Variants in BTBD9 observed in about 807,000 individuals in gnomAD.
The protein encoded by BTBD9 is BTB/POZ domain-containing protein 9.
In BTBD9, 49 loss-of-function variants were observed where a neutral mutation model predicts 64.3. The ratio of observed to expected loss-of-function variants is 0.76; its 90% CI spans 0.61 to 0.97. The LOEUF (loss-of-function observed/expected upper bound fraction) is 0.97. Ranked by LOEUF, BTBD9 falls within the 50% of genes least tolerant of loss-of-function variation. BTBD9 has a pLI of 0.00. For missense variants in BTBD9, 598 were observed against 762.1 expected, an observed-to-expected ratio of 0.78 and a Z score of 2.53; for synonymous variants, 260 against 274.7, an observed-to-expected ratio of 0.95 and a Z score of 0.53.
chr6:38,492,793 CTAAAT>C (rs1485333631), intron 6 of BTBD9, among the ~76,000 whole-genome samples: 1 of 152,014 alleles, frequency 6.6e-6, no homozygotes, highest in Admixed American at 6.6e-5. Flanking sequence ...GCATTTTGCT[CTAAAT>C]TAAATGTACA....
intron 7 of BTBD9, among the ~76,000 whole-genome samples, chr6:38,289,540 G>A (rs1761879519): frequency 1.3e-5 from 2 of 152,054 alleles, no homozygotes; most frequent in South Asian, 4.1e-4. Flanking sequence ...TCTGTTTAAA[G>A]AAACATGTTA....
Position 38,482,208 on chromosome 6 carries a change from AC to A in BTBD9, c.1154+95391del, listed in dbSNP as rs1006847369. ...TTGCCCGAAGCCCTCTACGCCCCCA[AC>A]CCCTGCTAATCTTCCACAAGCAAGC... On this transcript the variant is annotated intron_variant, in intron 6 of 10. Transcript: ENST00000481247. 5.3e-5 allele frequency: 8 copies of A among 151,966 alleles called. No homozygotes were observed. In the South Asian group the frequency reaches 6.2e-4, roughly 12 times the overall value. 9.4% of individuals were successfully genotyped at this position (151,966 alleles called of 1,614,324 possible). A position where few individuals can be genotyped will look rare whatever the true frequency, so the allele number is the denominator to read the frequency against.
chr6:38,504,704 G>C (rs1772385049), intron 6 of BTBD9: 1 of 407,748 alleles, frequency 2.5e-6, no homozygotes, highest in African/African-American at 2.1e-5. Context: ...GTACCAGTGT[G>C]TAAGGATGAA....
intron 10 of BTBD9, among the ~76,000 whole-genome samples, chr6:38,191,632 G>A (rs1165585683): frequency 2.0e-5 from 3 of 152,206 alleles, no homozygotes; most frequent in Non-Finnish European, 4.4e-5. Context: ...CCATCCCTGT[G>A]CCAGGGCCCC....
At chr6:38,263,139 T>A (rs1313092227) in intron 8 of BTBD9, among the ~76,000 whole-genome samples, 1 of 152,240 alleles carries the variant, frequency 6.6e-6, no homozygotes, top group Non-Finnish European at 1.5e-5. Flanking sequence ...AAGATACTCC[T>A]GATCTCAAAA....
chr6:38,360,703 C>T (rs1764917579), intron 6 of BTBD9, among the ~76,000 whole-genome samples: 1 of 151,904 alleles, frequency 6.6e-6, no homozygotes, highest in Non-Finnish European at 1.5e-5. Flanking sequence ...GGAATATGAC[C>T]CTAGGACCCT....
At chr6:38,627,851 C>T (rs2127529701) in intron 1 of BTBD9, among the ~76,000 whole-genome samples, 1 of 152,162 alleles carries the variant, frequency 6.6e-6, no homozygotes, top group Admixed American at 6.5e-5. Flanking sequence ...TGAGTATTAG[C>T]AGGCTTGACA....
intron 6 of BTBD9, among the ~76,000 whole-genome samples, chr6:38,370,156 T>C (rs1428905084): frequency 6.6e-6 from 1 of 152,240 alleles, no homozygotes; most frequent in African/African-American, 2.4e-5. Context: ...GGGACTTCAT[T>C]ATGTCAGCAT....
chr6:38,578,195 T>C (rs543736284), intron 5 of BTBD9, among the ~76,000 whole-genome samples: 2 of 152,252 alleles, frequency 1.3e-5, no homozygotes, highest in South Asian at 4.2e-4. Flanking sequence ...AAAGTCAACT[T>C]GGAATGGCTC....
At chr6:38,342,356 C>T (rs1415992040) in intron 7 of BTBD9, among the ~76,000 whole-genome samples, 1 of 151,506 alleles carries the variant, frequency 6.6e-6, no homozygotes, top group African/African-American at 2.4e-5. Context: ...ACCAACATGG[C>T]GAAACCCTGT....
rs1404609654 is a variant in BTBD9, at chr6:38,570,763, A to G, written c.1154+6837T>C. On this transcript the variant is annotated intron_variant, in intron 6 of 10. Coordinates refer to ENST00000481247, the MANE Select transcript of BTBD9 (RefSeq NM_001099272.2). ...GATGACAACTCAAGAACTAGCTAGC[A>G]AGCACCAAAATATATACCTCTGGAC... Among the ~76,000 whole-genome samples the G allele has an allele frequency of 3.9e-5, 6 of 152,204 alleles. No homozygotes were observed. The East Asian group carries it at 1.2e-3, about 29-fold the overall frequency.
intron 1 of BTBD9, among the ~76,000 whole-genome samples, chr6:38,632,845 T>C (rs572113979): frequency 6.6e-6 from 1 of 152,212 alleles, no homozygotes; most frequent in East Asian, 1.9e-4. Context: ...GAAGGGAGAA[T>C]TGCTTGAGCC....
chr6:38,519,893 A>G (rs1773205866), intron 6 of BTBD9, among the ~76,000 whole-genome samples: 1 of 152,246 alleles, frequency 6.6e-6, no homozygotes, highest in Non-Finnish European at 1.5e-5. Flanking sequence ...ATACTAGCCT[A>G]AGGCAATAAT....
At chr6:38,555,616 A>T (rs1309629976) in intron 6 of BTBD9, among the ~76,000 whole-genome samples, 2 of 152,200 alleles carry the variant, frequency 1.3e-5, no homozygotes, top group African/African-American at 4.8e-5. Context: ...TCCCCAGCAC[A>T]ATTACAGTGA....
intron 10 of BTBD9, among the ~76,000 whole-genome samples, chr6:38,190,091 C>T (rs953403551): frequency 6.6e-6 from 1 of 151,748 alleles, no homozygotes; most frequent in East Asian, 1.9e-4. Flanking sequence ...GGATTACAGG[C>T]GTGAGCCAAT....
intron 9 of BTBD9, among the ~76,000 whole-genome samples, chr6:38,197,521 C>G (rs1257640489): frequency 6.6e-6 from 1 of 152,174 alleles, no homozygotes; most frequent in Non-Finnish European, 1.5e-5. Flanking sequence ...GGATCATACA[C>G]ACGAGTGGAT....
chr6:38,469,101 G>A (rs1056367684), intron 6 of BTBD9, among the ~76,000 whole-genome samples: 3 of 151,076 alleles, frequency 2.0e-5, no homozygotes, highest in African/African-American at 7.3e-5. Context: ...AAAAAAAAAA[G>A]GCCTATTTAG....
chr6:38,202,992 T>G (rs1762516795), intron 9 of BTBD9, among the ~76,000 whole-genome samples: 1 of 151,824 alleles, frequency 6.6e-6, no homozygotes, highest in South Asian at 2.1e-4. Flanking sequence ...AAATAAAAAT[T>G]TCATTAAAAA....
intron 8 of BTBD9, among the ~76,000 whole-genome samples, chr6:38,265,819 T>TA (rs1764952095): frequency 6.6e-6 from 1 of 152,174 alleles, no homozygotes; most frequent in Non-Finnish European, 1.5e-5. Context: ...CACACCTGGC[T>TA]AAAACAACCA....
Sources: gnomAD v4.1 joint callset for allele counts (sites outside exome capture counted in the v4.1 genomes callset) on GRCh38, gnomAD v4.1.1 for gene constraint, MANE v1.5 for transcripts, NCBI Gene and HGNC (gene_info 2026-07-23, HGNC 2026-07-21) for gene names.